The following COL11A1 variants were observed in gnomAD, a reference collection of about 807,000 sequenced individuals.
The protein encoded by COL11A1 is collagen alpha-1(XI) chain.
In COL11A1, 74 loss-of-function variants were observed where a neutral mutation model predicts 265.2. That is an observed-to-expected ratio of 0.28 (90% CI 0.23 to 0.34). The LOEUF is 0.34. Among genes scored for constraint, COL11A1 ranks in the 10% least tolerant of loss-of-function variants. The pLI is 1.00. For missense variants in COL11A1, 2,165 were observed against 2,263.6 expected (o/e 0.96, Z 0.88); for synonymous variants, 816 against 727.6 (o/e 1.12, Z -1.96).
intron 28 of COL11A1, among the ~76,000 whole-genome samples, chr1:102,992,229 CA>C (rs1664211819): frequency 6.6e-6 from 1 of 151,828 alleles, no homozygotes; most frequent in Non-Finnish European, 1.5e-5. Flanking sequence ...CATTTTTTAG[CA>C]AGTGACGTAT....
chr1:102,915,379 T>A (rs1321557190), intron 50 of COL11A1, among the ~76,000 whole-genome samples: 2 of 152,208 alleles, frequency 1.3e-5, no homozygotes, highest in Non-Finnish European at 2.9e-5. Flanking sequence ...AGGGAATGTA[T>A]ACAGTAAACA....
At chr1:102,887,549 A>G (rs896458931) in intron 62 of COL11A1, among the ~76,000 whole-genome samples, 1 of 152,190 alleles carries the variant, frequency 6.6e-6, no homozygotes, top group African/African-American at 2.4e-5. Flanking sequence ...GACTTAAATC[A>G]TTATAAATTA....
chr1:103,100,316 C>A (rs151241218), intron 1 of COL11A1: 1 of 152,006 alleles, frequency 6.6e-6, no homozygotes, highest in African/African-American at 2.4e-5. Context: ...TATAAGAGTT[C>A]TTTTACTTAA....
intron 2 of COL11A1, among the ~76,000 whole-genome samples, chr1:103,081,198 T>C (rs1672384831): frequency 6.6e-6 from 1 of 151,868 alleles, no homozygotes; most frequent in South Asian, 2.1e-4. Flanking sequence ...AATTAATGAT[T>C]TTAAGTAACT....
At chr1:103,057,915 G>A (rs913908102) in intron 4 of COL11A1, among the ~76,000 whole-genome samples, 1 of 152,120 alleles carries the variant, frequency 6.6e-6, no homozygotes, top group Non-Finnish European at 1.5e-5. Flanking sequence ...GTGAGCACTG[G>A]CTTCAACTTA....
intron 43 of COL11A1, among the ~76,000 whole-genome samples, chr1:102,939,471 A>C (rs1658494996): frequency 6.6e-6 from 1 of 152,126 alleles, no homozygotes; most frequent in South Asian, 2.1e-4. Context: ...TGGGAGGTTG[A>C]GGTGAAAGGT....
At chr1:102,931,972 G>C (rs1657507085) in intron 46 of COL11A1, among the ~76,000 whole-genome samples, 2 of 149,408 alleles carry the variant, frequency 1.3e-5, no homozygotes, top group South Asian at 4.4e-4. Flanking sequence ...CTTTTATTTT[G>C]AGCCTATGTG....
chr1:103,070,566 A>T (rs1029277318), intron 4 of COL11A1, among the ~76,000 whole-genome samples: 3 of 151,938 alleles, frequency 2.0e-5, no homozygotes, highest in Non-Finnish European at 2.9e-5. Context: ...GGAATGAATT[A>T]AAAAAGATGA....
chr1:102,970,768 C>G (rs937025777), intron 36 of COL11A1, among the ~76,000 whole-genome samples: 2 of 152,118 alleles, frequency 1.3e-5, no homozygotes, highest in Non-Finnish European at 2.9e-5. Flanking sequence ...GTAATCCCAG[C>G]ACTTTGGGAG....
At chr1:102,921,386 G>A in intron 48 of COL11A1, 132 bp downstream of exon 48, 1 of 655,904 alleles carries the variant, frequency 1.5e-6, no homozygotes, top group East Asian at 2.8e-5. Flanking sequence ...GTGAATAGGT[G>A]ACCCTTGAGT....
chr1:103,024,662 A>AT (rs147119266), intron 7 of COL11A1, among the ~76,000 whole-genome samples: 2 of 151,814 alleles, frequency 1.3e-5, no homozygotes, highest in African/African-American at 4.8e-5. Context: ...CAAAATACTC[A>AT]TTTTTTTTGA....
At chr1:103,030,570 C>A (rs1667900245) in intron 5 of COL11A1, among the ~76,000 whole-genome samples, 1 of 150,214 alleles carries the variant, frequency 6.7e-6, no homozygotes, top group Non-Finnish European at 1.5e-5. Flanking sequence ...AAAAAAAAAT[C>A]CAAAAATATA....
chr1:103,009,886 C>T (rs1228021519), intron 14 of COL11A1, among the ~76,000 whole-genome samples: 1 of 151,762 alleles, frequency 6.6e-6, no homozygotes, highest in African/African-American at 2.4e-5. Flanking sequence ...TAAACTTCTG[C>T]AAGAAAAAAA....
intron 28 of COL11A1, among the ~76,000 whole-genome samples, chr1:102,995,432 G>C (rs569359396): frequency 6.6e-6 from 1 of 151,886 alleles, no homozygotes; most frequent in East Asian, 1.9e-4. Context: ...AATTAATTTA[G>C]TGTACTTCTA....
chr1:103,073,496 A>G (rs1671737487), intron 4 of COL11A1, among the ~76,000 whole-genome samples: 1 of 151,832 alleles, frequency 6.6e-6, no homozygotes, highest in Non-Finnish European at 1.5e-5. Context: ...CTGAGAGTAT[A>G]TTACCATTAT....
At chr1:103,092,116 CA>C (rs1250904851) in intron 1 of COL11A1, among the ~76,000 whole-genome samples, 1 of 151,962 alleles carries the variant, frequency 6.6e-6, no homozygotes, top group Non-Finnish European at 1.5e-5. Flanking sequence ...TGACTTCCAG[CA>C]AAATCAATTG....
chr1:102,993,157 GAA>G (rs1664303480), intron 28 of COL11A1, among the ~76,000 whole-genome samples: 1 of 152,014 alleles, frequency 6.6e-6, no homozygotes, highest in African/African-American at 2.4e-5. Context: ...TAATTCCAGA[GAA>G]AAACATTTGC....
Position 102,940,379 on chromosome 1 carries a change from C to G in COL11A1, c.3332G>C (p.Gly1111Ala). Reference sequence around the variant, plus strand: ...GGCAGGACCAGCTGGCCCTGGGAGACCAACAGGACCTTGAACTCCATCTCT... The same window carrying G: ...GGCAGGACCAGCTGGCCCTGGGAGAGCAACAGGACCTTGAACTCCATCTCT... Reference protein sequence around the residue: ...AGRDGVQGPVGLPGPAGPAGS... With the variant: ...AGRDGVQGPVALPGPAGPAGS... Residue 1111 changes from glycine (G) to alanine (A), a missense_variant, in exon 43 of 67, where the codon GGT (glycine) becomes GCT (alanine). Transcript: ENST00000370096. 1 of 1,613,986 alleles carries G rather than the reference C, an allele frequency of 6.2e-7. No individual in the cohort carries two copies. The highest frequency in any genetic ancestry group is 1.1e-5 in the South Asian group (1 of 91,080).
Position 103,004,592 on chromosome 1 carries a change from A to C in COL11A1, c.1899+16T>G, listed in dbSNP as rs767808576. The C allele has an allele frequency of 3.7e-5, 59 of 1,602,342 alleles. 1 individual carries two copies. The highest frequency in any genetic ancestry group is 2.3e-5 in the Non-Finnish European group (27 of 1,173,216). The stretch of plus-strand genomic sequence containing the variant: ...TTAATTTTAAATATTTCTTAAGAAA[A>C]GAAGTATTAACATACCCTCATTCCA... On this transcript the variant is annotated intron_variant, in intron 19 of 66. Coordinates refer to ENST00000370096, the MANE Select transcript of COL11A1 (RefSeq NM_001854.4).
Sources: gnomAD v4.1 joint callset for allele counts (sites outside exome capture counted in the v4.1 genomes callset) on GRCh38, gnomAD v4.1.1 for gene constraint, MANE v1.5 for transcripts, NCBI Gene and HGNC (gene_info 2026-07-23, HGNC 2026-07-21) for gene names.